AKAP13: variants seen among roughly 807,000 people sequenced by gnomAD.
The protein encoded by AKAP13 is A-kinase anchor protein 13.
In AKAP13, 80 loss-of-function variants were observed where a neutral mutation model predicts 264.5. The observed-to-expected ratio is 0.30, with a 90% CI of 0.25 to 0.36. The LOEUF (loss-of-function observed/expected upper bound fraction) is 0.36. Among genes scored for constraint, AKAP13 ranks in the 10% least tolerant of loss-of-function variants. The pLI is 1.00. For missense variants in AKAP13, 3,712 were observed against 3,435.2 expected (o/e 1.08, Z -2.01); for synonymous variants, 1,380 against 1,250.2 (o/e 1.10, Z -2.19).
In AKAP13 at chr15:85,606,090, C is replaced by CTTTTTTTTTTTTTTTTTTTTTTTTTTTT. The variant is rs369008646; in HGVS notation, c.4161+20293_4161+20294insTTTTTTTTTTTTTTTTTTTTTTTTTTTT. Among the ~76,000 whole-genome samples, 27 of 88,364 alleles carry CTTTTTTTTTTTTTTTTTTTTTTTTTTTT rather than the reference C, an allele frequency of 3.1e-4. 4 individuals carry two copies. Among genetic ancestry groups the CTTTTTTTTTTTTTTTTTTTTTTTTTTTT allele is most frequent in the East Asian group, 5.3e-4 (1 of 1,890 alleles). 58.0% of individuals were successfully genotyped at this position (88,364 alleles called of 152,430 possible). A position where few individuals can be genotyped will look rare whatever the true frequency, so the allele number is the denominator to read the frequency against. On this transcript the variant is annotated intron_variant, in intron 8 of 36. Coordinates refer to ENST00000394518, the MANE Select transcript of AKAP13 (RefSeq NM_007200.5). Reference sequence around the variant, plus strand: ...AGATTTTCTGCACTGGTTTGATCTACTTTTTTTTTTTTTTTTTTTTTTTTT... The same window carrying CTTTTTTTTTTTTTTTTTTTTTTTTTTTT: ...AGATTTTCTGCACTGGTTTGATCTACTTTTTTTTTTTTTTTTTTTTTTTTTTTTTTTTTTTTTTTTTTTTTTTTTTTTT...
chr15:85,679,498 G>A (rs58438819), intron 14 of AKAP13, among the ~76,000 whole-genome samples: 2,727 of 152,274 alleles, frequency 0.018, 86 homozygotes, highest in African/African-American at 0.062. Flanking sequence ...AGGAAACTCT[G>A]GGTTAAGCAG....
At chr15:85,488,770 A>T (rs533955981) in intron 2 of AKAP13, among the ~76,000 whole-genome samples, 1 of 152,222 alleles carries the variant, frequency 6.6e-6, no homozygotes, top group East Asian at 1.9e-4. Flanking sequence ...CTTTCTCCAC[A>T]TAGAGACTCT....
At chr15:85,551,507 C>T (rs1289953885) in intron 5 of AKAP13, among the ~76,000 whole-genome samples, 1 of 152,164 alleles carries the variant, frequency 6.6e-6, no homozygotes, top group African/African-American at 2.4e-5. Flanking sequence ...TTTACAAACT[C>T]CCTTGGGCTT....
chr15:85,574,133 C>T (rs181137058), intron 5 of AKAP13, among the ~76,000 whole-genome samples: 6 of 152,282 alleles, frequency 3.9e-5, no homozygotes, highest in Non-Finnish European at 5.9e-5. Context: ...GTGACACCAA[C>T]GGTTAGGACT....
intron 2 of AKAP13, among the ~76,000 whole-genome samples, chr15:85,518,735 G>A (rs2076699822): frequency 6.6e-6 from 1 of 152,186 alleles, no homozygotes; most frequent in Non-Finnish European, 1.5e-5. Context: ...AGGCAGCAGG[G>A]GGAGGATCAC....
At chr15:85,386,990 C>G (rs2070598442) in intron 1 of AKAP13, among the ~76,000 whole-genome samples, 2 of 152,134 alleles carry the variant, frequency 1.3e-5, no homozygotes, top group African/African-American at 2.4e-5. Context: ...ATTCATCTTG[C>G]TGTTATCCAC....
At chr15:85,720,195 G>A (rs552997044) in intron 23 of AKAP13, among the ~76,000 whole-genome samples, 3 of 151,618 alleles carry the variant, frequency 2.0e-5, no homozygotes, top group Non-Finnish European at 4.4e-5. Flanking sequence ...GGTGATGCTC[G>A]TGCCACTGTA....
chr15:85,456,545 T>C (rs962592687), intron 1 of AKAP13, among the ~76,000 whole-genome samples: 3 of 134,296 alleles, frequency 2.2e-5, no homozygotes, highest in African/African-American at 3.0e-5. Context: ...AGTAGCCCAC[T>C]TTCTGTTTTT....
At chr15:85,544,112 C>T in intron 5 of AKAP13, 157 bp downstream of exon 5, 1 of 834,500 alleles carries the variant, frequency 1.2e-6, no homozygotes, top group Middle Eastern at 2.2e-4. Flanking sequence ...AAGCTTGCTC[C>T]TGCTAACCAC....
intron 3 of AKAP13, among the ~76,000 whole-genome samples, chr15:85,525,280 G>T (rs577628302): frequency 6.6e-6 from 1 of 151,960 alleles, no homozygotes; most frequent in Non-Finnish European, 1.5e-5. Context: ...GGATGGTCTC[G>T]ATCTCCTGAC....
chr15:85,543,948 C>A lies in AKAP13; in HGVS notation c.655C>A (p.Leu219Ile), dbSNP rs2077648655. The stretch of plus-strand genomic sequence containing the variant: ...AGGCTATCACAAGCTGCACCAGCTT[C>A]TAACCGAGTAAGTGCTCCTTCTGCC... ...ERGYHKLHQL[L>I]TEENAGEPDS... The change falls in exon 5 of 37, where the codon CTA becomes ATA. Residue 219 changes from leucine (L) to isoleucine (I), a missense_variant. Transcript: ENST00000394518. 1 of 1,612,012 alleles carries A rather than the reference C, an allele frequency of 6.2e-7. No individual in the cohort carries two copies. The highest frequency in any genetic ancestry group is 8.5e-7 in the Non-Finnish European group (1 of 1,178,368).
intron 5 of AKAP13, chr15:85,544,177 C>G (rs1181315685): frequency 1.5e-6 from 1 of 677,974 alleles, no homozygotes; most frequent in East Asian, 2.9e-5. Context: ...CTCTCGTCTG[C>G]CTGCCTGCCT....
Position 85,655,398 on chromosome 15 carries a change from T to G in AKAP13, c.4375-19T>G. Reference sequence around the variant, plus strand: ...TGGCCCTGCTGGCTTCAACCATATGTGCTTTCTCTCCATTACAGCCAGAGG... The same window carrying G: ...TGGCCCTGCTGGCTTCAACCATATGGGCTTTCTCTCCATTACAGCCAGAGG... On this transcript the variant is annotated intron_variant, in intron 10 of 36. Coordinates refer to ENST00000394518, the MANE Select transcript of AKAP13 (RefSeq NM_007200.5). 6.2e-7 allele frequency: 1 copy of G among 1,605,480 alleles called. No individual in the cohort carries two copies. The highest frequency in any genetic ancestry group is 8.5e-7 in the Non-Finnish European group (1 of 1,174,490).
At chr15:85,700,890 CAAAAT>C (rs1345819930) in intron 17 of AKAP13, among the ~76,000 whole-genome samples, 1 of 151,890 alleles carries the variant, frequency 6.6e-6, no homozygotes, top group Non-Finnish European at 1.5e-5. Context: ...GTCATGTACT[CAAAAT>C]TAAATAAAGA....
At chr15:85,563,172 A>C (rs1410806082) in intron 5 of AKAP13, among the ~76,000 whole-genome samples, 1 of 152,056 alleles carries the variant, frequency 6.6e-6, no homozygotes, top group Non-Finnish European at 1.5e-5. Context: ...TCTCAGTTGA[A>C]CATAATTAGA....
intron 1 of AKAP13, among the ~76,000 whole-genome samples, chr15:85,454,605 T>C (rs1374458354): frequency 6.6e-6 from 1 of 152,136 alleles, no homozygotes; most frequent in East Asian, 1.9e-4. Context: ...ACTAGCTGCC[T>C]CTAGTCGGCT....
rs752435400 is a variant in AKAP13 at position 85,581,834 on chromosome 15, G to T, written c.3766G>T (p.Val1256Leu). 2 of 1,614,212 alleles carry T rather than the reference G, an allele frequency of 1.2e-6. No individual in the cohort carries two copies. Among genetic ancestry groups the T allele is most frequent in the Admixed American group, 1.7e-5 (1 of 60,026 alleles). Reference protein sequence around the residue: ...DLIEEAASRIVDAVIEQVKAA... With the variant: ...DLIEEAASRILDAVIEQVKAA... ...GATAGAGGAGGCTGCCAGCCGTATA[G>T]TGGATGCTGTCATCGAACAAGTCAA... Residue 1256 changes from valine (V) to leucine (L), a missense_variant, in exon 7 of 37, where the codon GTG becomes TTG. Physicochemically the swap from Val to Leu is conservative, Grantham distance 32. Transcript: ENST00000394518.
chr15:85,483,104 T>C (rs1038209066), intron 1 of AKAP13, among the ~76,000 whole-genome samples: 6 of 152,252 alleles, frequency 3.9e-5, no homozygotes, highest in African/African-American at 1.4e-4. Context: ...CTAAGTTTGC[T>C]CAGCTTCCTC....
chr15:85,448,796 G>A (rs777125321), intron 1 of AKAP13, among the ~76,000 whole-genome samples: 4 of 148,380 alleles, frequency 2.7e-5, no homozygotes, highest in Non-Finnish European at 5.9e-5. Context: ...ATTGAGTAAC[G>A]TGATTCTTCC....
Sources: allele counts gnomAD v4.1 joint callset (sites outside exome capture counted in the v4.1 genomes callset), GRCh38; gene constraint gnomAD v4.1.1; transcripts MANE v1.5; gene names NCBI Gene and HGNC (gene_info 2026-07-23, HGNC 2026-07-21).